BLOC1S2: variants seen among roughly 807,000 people sequenced by gnomAD.
The protein encoded by BLOC1S2 is biogenesis of lysosomal organelles complex 1 subunit 2, also known as biogenesis of lysosome-related organelles complex 1 subunit 2.
A neutral mutation model predicts 19.6 loss-of-function variants in BLOC1S2; 12 were observed. The observed-to-expected ratio is 0.61, with a 90% CI of 0.39 to 0.99. The LOEUF (loss-of-function observed/expected upper bound fraction) is 0.99. BLOC1S2 is among the 50% of genes least tolerant of loss of function. BLOC1S2 has a pLI of 0.00. For missense variants in BLOC1S2, 142 were observed against 171.0 expected (o/e 0.83, Z 0.95); for synonymous variants, 66 against 64.1 (o/e 1.03, Z -0.14).
rs1462640218 is a variant in BLOC1S2 at position 100,274,572 on chromosome 10, G to A, written c.*890C>T. ...TCCCAGCTGCTAATGTTGTGTTCTG[G>A]GTAAGGCTGCCTATCTTTCAACCTA... is the stretch of plus-strand genomic sequence containing the variant. On this transcript the variant is annotated 3_prime_UTR_variant, in exon 5 of 5. Transcript: ENST00000370372. 6.0e-6 allele frequency: 1 copy of A among 165,462 alleles called. No individual in the cohort carries two copies. The highest frequency in any genetic ancestry group is 2.4e-5 in the African/African-American group (1 of 42,054). The allele number at this position is 165,462 out of a possible 1,614,324, so 10.2% of individuals were successfully genotyped here. A position where few individuals can be genotyped will look rare whatever the true frequency, so the allele number is the denominator to read the frequency against.
rs186329518 is a variant in BLOC1S2 at position 100,275,400 on chromosome 10, G to A, written c.*62C>T. 35 of 1,490,388 alleles carry A rather than the reference G, an allele frequency of 2.3e-5. No individual in the cohort carries two copies. The African/African-American group carries it at 4.8e-4, about 20-fold the overall frequency. 92.3% of individuals were successfully genotyped at this position (1,490,388 alleles called of 1,614,324 possible). A position where few individuals can be genotyped will look rare whatever the true frequency, so the allele number is the denominator to read the frequency against. ...CACAATTCATCAGCCTCAGGATTCA[G>A]GTTTTATAAGACATTCTTCCACATT... is the stretch of plus-strand genomic sequence containing the variant. On this transcript the variant is annotated 3_prime_UTR_variant, in exon 5 of 5. Coordinates refer to ENST00000370372, the MANE Select transcript of BLOC1S2 (RefSeq NM_173809.5).
intron 1 of BLOC1S2, 119 bp from the exon 2 acceptor site, chr10:100,286,332 T>A: frequency 6.8e-7 from 1 of 1,479,766 alleles, no homozygotes; most frequent in Non-Finnish European, 9.0e-7. Context: ...CCATTCTCCA[T>A]CTGCCATAAT....
chr10:100,275,535 CT>C, intron 4 of BLOC1S2, 42 bp from the exon 5 acceptor site: 1 of 1,558,740 alleles, frequency 6.4e-7, no homozygotes, highest in South Asian at 1.2e-5. Flanking sequence ...AAAACTGGCT[CT>C]TACAAAGACA....
intron 3 of BLOC1S2, 41 bp from the exon 4 acceptor site, chr10:100,280,269 T>C (rs1848071128): frequency 6.6e-7 from 1 of 1,523,678 alleles, no homozygotes; most frequent in African/African-American, 1.4e-5. Context: ...TATGGCTTTA[T>C]TAACAAAGAA....
At position 100,275,419 on chromosome 10, in the gene BLOC1S2, C is replaced by A. The variant is rs1422208294; in HGVS notation, c.*43G>T. ...GATTCAGGTTTTATAAGACATTCTT[C>A]CACATTAAAAAAAAAAGACTCTGTC... On this transcript the variant is annotated 3_prime_UTR_variant, in exon 5 of 5. Transcript: ENST00000370372. 1 of 1,552,226 alleles carries A rather than the reference C, an allele frequency of 6.4e-7. No individual in the cohort carries two copies.
intron 4 of BLOC1S2, among the ~76,000 whole-genome samples, chr10:100,278,292 A>G (rs1368260888): frequency 4.7e-5 from 7 of 148,612 alleles, no homozygotes; most frequent in African/African-American, 1.2e-4. Flanking sequence ...CTGGGAAGTG[A>G]GGAGCCCCTC....
chr10:100,282,362 C>A (rs968334794), intron 2 of BLOC1S2, among the ~76,000 whole-genome samples: 2 of 152,192 alleles, frequency 1.3e-5, no homozygotes, highest in African/African-American at 4.8e-5. Context: ...TTGGCCCTAC[C>A]ATCCAGAGAT....
rs1234290816 is a variant in BLOC1S2 at position 100,275,453 on chromosome 10, A to G, written c.*9T>C. The G allele has an allele frequency of 2.5e-6, 4 of 1,603,532 alleles. No individual in the cohort carries two copies. Among genetic ancestry groups the G allele is most frequent in the Non-Finnish European group, 1.7e-6 (2 of 1,173,798 alleles). Reference sequence around the variant, plus strand: ...AAAAAAAAGACTCTGTCCCATAGAAATAAGTTTCTCATCGCTTCTCCAGCT... The same window carrying G: ...AAAAAAAAGACTCTGTCCCATAGAAGTAAGTTTCTCATCGCTTCTCCAGCT... On this transcript the variant is annotated 3_prime_UTR_variant, in exon 5 of 5. Coordinates refer to ENST00000370372, the MANE Select transcript of BLOC1S2 (RefSeq NM_173809.5).
At chr10:100,275,985 G>A (rs1196974407) in intron 4 of BLOC1S2, among the ~76,000 whole-genome samples, 2 of 151,860 alleles carry the variant, frequency 1.3e-5, no homozygotes, top group African/African-American at 2.4e-5. Context: ...CTGACATTCC[G>A]TTTTTCTATT....
intron 2 of BLOC1S2, 73 bp downstream of exon 2, chr10:100,286,024 G>A (rs1380397840): frequency 1.9e-6 from 3 of 1,572,970 alleles, no homozygotes; most frequent in African/African-American, 1.3e-5. Flanking sequence ...GGGAGCTGCA[G>A]ACTGATGCTG....
At chr10:100,278,333 A>G (rs1247770595) in intron 4 of BLOC1S2, among the ~76,000 whole-genome samples, 9 of 151,444 alleles carry the variant, frequency 5.9e-5, no homozygotes, top group East Asian at 3.9e-4. Flanking sequence ...TGGGAGGTGT[A>G]CCCAACAGCT....
chr10:100,281,534 A>C (rs1307424113), intron 2 of BLOC1S2, among the ~76,000 whole-genome samples: 5 of 151,660 alleles, frequency 3.3e-5, no homozygotes, highest in African/African-American at 9.7e-5. Flanking sequence ...AATACAAAAC[A>C]ATTAGCGGGC....
At chr10:100,275,602 A>C in intron 4 of BLOC1S2, 109 bp from the exon 5 acceptor site, 1 of 955,872 alleles carries the variant, frequency 1.0e-6, no homozygotes, top group South Asian at 1.6e-5. Context: ...ATTACTAAAA[A>C]TCTATTAGCT....
At position 100,280,227 on chromosome 10, in the gene BLOC1S2, A is replaced by G. The variant is rs761914140; in HGVS notation, c.294T>C (p.Tyr98=). ...SRNLKDLNQK[Y]AGLQPYLDQI... ...GATCCAGATAAGGCTGCAGTCCAGC[A>G]TCTTTAAAAACAAAGAAAAACTTCA... The change falls in exon 4 of 5, where the codon TAT becomes TAC. Residue 98 remains tyrosine (Y), a splice_region_variant and synonymous_variant. Coordinates refer to ENST00000370372, the MANE Select transcript of BLOC1S2 (RefSeq NM_173809.5). 1.9e-6 allele frequency: 3 copies of G among 1,599,376 alleles called. No individual in the cohort carries two copies. In the African/African-American group the frequency reaches 4.0e-5, roughly 22 times the overall value.
chr10:100,280,019 A>G (rs771524817), intron 4 of BLOC1S2, 105 bp downstream of exon 4: 2 of 659,696 alleles, frequency 3.0e-6, no homozygotes, highest in Non-Finnish European at 4.9e-6. Flanking sequence ...GTGAAGATTA[A>G]TAGATCACTG....
chr10:100,283,775 T>G (rs1269367719), intron 2 of BLOC1S2, among the ~76,000 whole-genome samples: 1 of 152,098 alleles, frequency 6.6e-6, no homozygotes, highest in Admixed American at 6.5e-5. Flanking sequence ...CTTTGGAGGC[T>G]GGGGCAGGAA....
intron 3 of BLOC1S2, 99 bp downstream of exon 3, chr10:100,280,835 C>A: frequency 7.3e-7 from 1 of 1,377,544 alleles, no homozygotes; most frequent in East Asian, 2.7e-5. Flanking sequence ...AACAAGCTCC[C>A]ACAAGACAAG....
At chr10:100,280,347 C>T (rs887025966) in intron 3 of BLOC1S2, 119 bp from the exon 4 acceptor site, 51 of 848,224 alleles carry the variant, frequency 6.0e-5, no homozygotes, top group African/African-American at 8.7e-5. Context: ...GATTAGGTGG[C>T]GTGACATGAT....
intron 4 of BLOC1S2, among the ~76,000 whole-genome samples, chr10:100,277,600 A>G (rs1589647678): frequency 1.1e-5 from 1 of 91,674 alleles, no homozygotes; most frequent in Non-Finnish European, 2.2e-5. Flanking sequence ...TCCGGGAGGG[A>G]GGTGGGAGGG....
Sources: gnomAD v4.1 joint callset for allele counts (sites outside exome capture counted in the v4.1 genomes callset) on GRCh38, gnomAD v4.1.1 for gene constraint, MANE v1.5 for transcripts, NCBI Gene and HGNC (gene_info 2026-07-23, HGNC 2026-07-21) for gene names.